Variants in FBXL6 observed in about 807,000 individuals in gnomAD.
The protein encoded by FBXL6 is F-box and leucine rich repeat protein 6, also known as F-box/LRR-repeat protein 6.
A neutral mutation model predicts 53.3 loss-of-function variants in FBXL6; 50 were observed. That is an observed-to-expected ratio of 0.94 (90% CI 0.75 to 1.19). The LOEUF is 1.19. FBXL6 is among the 50% of genes most tolerant of loss of function. FBXL6 has a pLI of 0.00. For missense variants in FBXL6, 815 were observed against 719.0 expected, an observed-to-expected ratio of 1.13 and a Z score of -1.53; for synonymous variants, 405 against 322.9, an observed-to-expected ratio of 1.25 and a Z score of -2.73.
At position 144,356,388 on chromosome 8, in the gene FBXL6, T is replaced by C. The variant is rs782716007; in HGVS notation, c.1137A>G (p.Leu379=). Residue 379 remains leucine, a synonymous_variant, in exon 7 of 9, where the codon CTA becomes CTG. Coordinates refer to ENST00000331890, the MANE Select transcript of FBXL6 (RefSeq NM_012162.4). ...NFVSNEVLGR[L]LHGSPNLRLL... ...AGCGCAGGTTGGGAGAGCCGTGGAG[T>C]AGGCGGCCCAGGACCTCGTTGCTCA... 2.8e-6 allele frequency: 4 copies of C among 1,444,236 alleles called. No homozygotes were observed. The Admixed American group carries it at 6.3e-5, about 23-fold the overall frequency. 89.5% of individuals were successfully genotyped at this position (1,444,236 alleles called of 1,614,324 possible). A position where few individuals can be genotyped will look rare whatever the true frequency, so the allele number is the denominator to read the frequency against.
chr8:144,357,441 T>C lies in FBXL6; in HGVS notation c.637A>G (p.Lys213Glu), dbSNP rs1818507762. Residue 213 changes from lysine (K) to glutamate (E), a missense_variant and splice_region_variant, in exon 3 of 9, where the codon AAG becomes GAG. Lys to Glu is a moderately conservative substitution (Grantham distance 56). Transcript: ENST00000331890. The stretch of plus-strand genomic sequence containing the variant: ...GCAGGACAGCCTGGAGCTCTCACCT[T>C]CAACACGGGGTGTACCTGAGACTTC... ...HWKSQVHPVL[K>E]LVGECCPRLT... 3 of 1,612,390 alleles carry C rather than the reference T, an allele frequency of 1.9e-6. No homozygotes were observed. The highest frequency in any genetic ancestry group is 2.5e-6 in the Non-Finnish European group (3 of 1,179,486).
Position 144,355,494 on chromosome 8 carries a change from G to A in FBXL6, c.*37C>T, listed in dbSNP as rs369046077. ...CTGAAATTGGGCAAAGGTGGAGGGTGGGCAAGCTGGCTGAGGTGTCCCAGG... is the reference window on the plus strand; with the variant it reads ...CTGAAATTGGGCAAAGGTGGAGGGTAGGCAAGCTGGCTGAGGTGTCCCAGG... On this transcript the variant is annotated 3_prime_UTR_variant, in exon 9 of 9. Coordinates refer to ENST00000331890, the MANE Select transcript of FBXL6 (RefSeq NM_012162.4). 48 of 1,593,698 alleles carry A rather than the reference G, an allele frequency of 3.0e-5. No individual in the cohort carries two copies. The African/African-American group carries it at 5.5e-4, about 18-fold the overall frequency.
At position 144,356,191 on chromosome 8, in the gene FBXL6, G is replaced by T; in HGVS notation, c.1249C>A (p.Leu417Met). The T allele has an allele frequency of 6.8e-7, 1 of 1,460,844 alleles. No homozygotes were observed. The highest frequency in any genetic ancestry group is 1.8e-4 in the Middle Eastern group (1 of 5,616). 90.5% of individuals were successfully genotyped at this position (1,460,844 alleles called of 1,614,324 possible). The change falls in exon 8 of 9, where the codon CTG (leucine) becomes ATG (methionine). Residue 417 changes from leucine (L) to methionine (M), a missense_variant. Leu to Met is a conservative substitution (Grantham distance 15, BLOSUM62 2). Coordinates refer to ENST00000331890, the MANE Select transcript of FBXL6 (RefSeq NM_012162.4). ...CRELEQLHLG[L>M]YGTSDRLTLA... ...GTCAGCCGGTCTGACGTGCCATACAGGCCCAGATGAAGCTGCTCCAGCTCT... is the reference window on the plus strand; with the variant it reads ...GTCAGCCGGTCTGACGTGCCATACATGCCCAGATGAAGCTGCTCCAGCTCT...
In FBXL6 at chr8:144,355,432, C is replaced by T; in HGVS notation, c.*99G>A. On this transcript the variant is annotated 3_prime_UTR_variant, in exon 9 of 9. Transcript: ENST00000331890. ...CCCTGAGGACCACACACACAGAACT[C>T]CTAAAAATGTTTTATTTTAACAAAA... The T allele has an allele frequency of 6.5e-7, 1 of 1,532,628 alleles. No homozygotes were observed. The highest frequency in any genetic ancestry group is 8.9e-7 in the Non-Finnish European group (1 of 1,127,156). 94.9% of individuals were successfully genotyped at this position (1,532,628 alleles called of 1,614,324 possible).
Position 144,358,065 on chromosome 8 carries a change from A to G in FBXL6, c.383T>C (p.Val128Ala). 6.3e-7 allele frequency: 1 copy of G among 1,599,356 alleles called. No homozygotes were observed. Among genetic ancestry groups the G allele is most frequent in the Non-Finnish European group, 8.5e-7 (1 of 1,176,000 alleles). The change falls in exon 1 of 9, where the codon GTG becomes GCG. Residue 128 changes from valine to alanine, a missense_variant. By Grantham distance (64) the Val-to-Ala change is moderately conservative. Transcript: ENST00000331890. ...GAAGGGCATGGGGCCGTCCGCCGCC[A>G]CCAACAACCCGAAAATCTGCACCAG... Reference protein sequence around the residue: ...EILVQIFGLLVAADGPMPFLG... With the variant: ...EILVQIFGLLAAADGPMPFLG...
intron 8 of FBXL6, 117 bp downstream of exon 8, chr8:144,355,851 T>C: frequency 6.5e-7 from 1 of 1,546,250 alleles, no homozygotes. Flanking sequence ...GCTTGGACAG[T>C]ATGCATGCCC....
chr8:144,356,212 G>A lies in FBXL6; in HGVS notation c.1228C>T (p.Leu410=), dbSNP rs1554852735. The part of the protein sequence containing the change: ...AGLQDLPCRE[L]EQLHLGLYGT... ...TACAGGCCCAGATGAAGCTGCTCCAGCTCTGCAGTGAAAGGAGTGAGCATA... is the reference window on the plus strand; with the variant it reads ...TACAGGCCCAGATGAAGCTGCTCCAACTCTGCAGTGAAAGGAGTGAGCATA... Residue 410 remains leucine (L), a splice_region_variant and synonymous_variant, in exon 8 of 9, where the codon CTG becomes TTG. Transcript: ENST00000331890. The A allele has an allele frequency of 7.8e-6, 10 of 1,284,138 alleles. No homozygotes were observed. The Admixed American group carries it at 2.3e-4, about 30-fold the overall frequency. 79.5% of individuals were successfully genotyped at this position (1,284,138 alleles called of 1,614,324 possible). A position where few individuals can be genotyped will look rare whatever the true frequency, so the allele number is the denominator to read the frequency against.
Position 144,357,972 on chromosome 8 carries a change from G to A in FBXL6, c.416+60C>T, listed in dbSNP as rs372626675. On this transcript the variant is annotated intron_variant, in intron 1 of 8. Coordinates refer to ENST00000331890, the MANE Select transcript of FBXL6 (RefSeq NM_012162.4). ...GCCCTCCGCCCCCGCCCGGGCCACCGCTCGGACCACGTCTGGCCCAAGCCG... is the reference window on the plus strand; with the variant it reads ...GCCCTCCGCCCCCGCCCGGGCCACCACTCGGACCACGTCTGGCCCAAGCCG... The A allele has an allele frequency of 1.2e-4, 176 of 1,517,004 alleles. No individual in the cohort carries two copies. In the African/African-American group the frequency reaches 2.0e-3, roughly 17 times the overall value. The allele number at this position is 1,517,004 out of a possible 1,614,324, so 94.0% of individuals were successfully genotyped here.
rs782703374 is a variant in FBXL6, at chr8:144,358,186, C to T, written c.262G>A (p.Glu88Lys). The T allele has an allele frequency of 7.1e-7, 1 of 1,402,874 alleles. No individual in the cohort carries two copies. The highest frequency in any genetic ancestry group is 1.9e-4 in the Middle Eastern group (1 of 5,298). The allele number at this position is 1,402,874 out of a possible 1,614,324, so 86.9% of individuals were successfully genotyped here. A position where few individuals can be genotyped will look rare whatever the true frequency, so the allele number is the denominator to read the frequency against. The change falls in exon 1 of 9, where the codon GAG becomes AAG. Residue 88 changes from glutamate to lysine, a missense_variant. Transcript: ENST00000331890. ...AAKPKAGLRS[E>K]AAAAPAPAPA... ...GCGGGTGCGGGCGCGGCCGCCGCCT[C>T]GGACCTGAGCCCGGCCTTGGGCTTG... is the stretch of plus-strand genomic sequence containing the variant.
rs1279674044 is a variant in FBXL6, at chr8:144,358,397, C to T, written c.51G>A (p.Pro17=). ...ACCAGTCCTCGGCCGAGCGGGGCCG[C>T]GGCGCTGCCCGGGCTCTGCGTCGGA... ...RQVRRRARAA[P]RPRSAEDWWW... is the part of the protein sequence containing the mutation. Residue 17 remains proline, a synonymous_variant, in exon 1 of 9, where the codon CCG becomes CCA. Transcript: ENST00000331890. 4.0e-6 allele frequency: 5 copies of T among 1,251,016 alleles called. No individual in the cohort carries two copies. In the African/African-American group the frequency reaches 6.1e-5, roughly 15 times the overall value. The allele number at this position is 1,251,016 out of a possible 1,614,324, so 77.5% of individuals were successfully genotyped here.
Position 144,357,104 on chromosome 8 carries a change from A to T in FBXL6, c.657T>A (p.Cys219Ter), listed in dbSNP as rs1455750012. Residue 219 changes from cysteine (C) to a stop codon, truncating the protein, a stop_gained, in exon 4 of 9, where the codon TGT becomes TGA. Transcript: ENST00000331890. LOFTEE classifies it high-confidence loss of function. ...AGAGCTTGAGGAAAGTGAGCCGAGG[A>T]CAGCACTCACCTACCAGCTGCGGGG... Reference protein sequence around the residue: ...HPVLKLVGECCPRLTFLKLSG... With the variant: ...HPVLKLVGEC 9.9e-6 allele frequency: 16 copies of T among 1,612,822 alleles called. No homozygotes were observed. Among genetic ancestry groups the T allele is most frequent in the Non-Finnish European group, 1.4e-5 (16 of 1,180,018 alleles).
intron 1 of FBXL6, 29 bp from the exon 2 acceptor site, chr8:144,357,815 GC>G: frequency 6.7e-7 from 1 of 1,490,272 alleles, no homozygotes; most frequent in Non-Finnish European, 8.9e-7. Context: ...GAGGGTGCCG[GC>G]CCCTCCGTAG....
chr8:144,357,347 G>T, intron 3 of FBXL6, 92 bp downstream of exon 3: 2 of 1,373,628 alleles, frequency 1.5e-6, no homozygotes, highest in East Asian at 5.0e-5. Context: ...ACGGAGCAGC[G>T]TTGGGCCCCC....
intron 1 of FBXL6, 113 bp from the exon 2 acceptor site, chr8:144,357,899 C>T (rs956722175): frequency 1.4e-6 from 2 of 1,441,858 alleles, no homozygotes; most frequent in Admixed American, 5.5e-5. Context: ...AACTGGGCGC[C>T]TAAGGGGCTG....
intron 8 of FBXL6, 91 bp from the exon 9 acceptor site, chr8:144,355,769 T>C: frequency 6.5e-7 from 1 of 1,549,408 alleles, no homozygotes; most frequent in Non-Finnish European, 8.7e-7. Flanking sequence ...GTTCGACACC[T>C]GGCTCTGCCA....
chr8:144,355,701 G>A, intron 8 of FBXL6, 23 bp from the exon 9 acceptor site: 3 of 1,608,326 alleles, frequency 1.9e-6, no homozygotes, highest in Non-Finnish European at 2.5e-6. Flanking sequence ...CAGACCACAG[G>A]AAGTTGAGCT....
At position 144,356,675 on chromosome 8, in the gene FBXL6, G is replaced by A. The variant is rs782622446; in HGVS notation, c.918C>T (p.Ser306=). ...GAATGCTATTACGGTTGATGCCGGT[G>A]CTCACCTCCAGGACCTGGAGCTGGG... The part of the protein sequence containing the change: ...CCPQLQVLEV[S]TGINRNSIPL... The change falls in exon 6 of 9, where the codon AGC becomes AGT. Residue 306 remains serine (S), a synonymous_variant. Transcript: ENST00000331890. The A allele has an allele frequency of 2.5e-6, 4 of 1,612,708 alleles. No individual in the cohort carries two copies. The highest frequency in any genetic ancestry group is 3.4e-6 in the Non-Finnish European group (4 of 1,180,002).
chr8:144,358,037 C>G lies in FBXL6; in HGVS notation c.411G>C (p.Leu137=), dbSNP rs1554853343. ...GGGCCCGGCACCAGCGTTACCTGCC[C>G]AGGAAGGGCATGGGGCCGTCCGCCG... is the stretch of plus-strand genomic sequence containing the variant. The part of the protein sequence containing the change: ...LVAADGPMPF[L]GRAARVCRRW... The change falls in exon 1 of 9, where the codon CTG becomes CTC. Residue 137 remains leucine (L), a synonymous_variant. Coordinates refer to ENST00000331890, the MANE Select transcript of FBXL6 (RefSeq NM_012162.4). 3 of 1,593,784 alleles carry G rather than the reference C, an allele frequency of 1.9e-6. No individual in the cohort carries two copies. The highest frequency in any genetic ancestry group is 3.4e-5 in the Admixed American group (2 of 59,304).
Position 144,356,190 on chromosome 8 carries a change from A to G in FBXL6, c.1250T>C (p.Leu417Pro). 1.2e-6 allele frequency: 2 copies of G among 1,612,408 alleles called. No homozygotes were observed. The highest frequency in any genetic ancestry group is 2.2e-5 in the South Asian group (2 of 91,086). ...CRELEQLHLG[L>P]YGTSDRLTLA... Reference sequence around the variant, plus strand: ...AGTCAGCCGGTCTGACGTGCCATACAGGCCCAGATGAAGCTGCTCCAGCTC... The same window carrying G: ...AGTCAGCCGGTCTGACGTGCCATACGGGCCCAGATGAAGCTGCTCCAGCTC... The change falls in exon 8 of 9, where the codon CTG (leucine) becomes CCG (proline). Residue 417 changes from leucine (L) to proline (P), a missense_variant. Coordinates refer to ENST00000331890, the MANE Select transcript of FBXL6 (RefSeq NM_012162.4).
Sources: gnomAD v4.1 joint callset for allele counts on GRCh38, gnomAD v4.1.1 for gene constraint, MANE v1.5 for transcripts, NCBI Gene and HGNC (gene_info 2026-07-23, HGNC 2026-07-21) for gene names.